Variants in MFNG observed in about 807,000 individuals in gnomAD.
The protein encoded by MFNG is beta-1,3-N-acetylglucosaminyltransferase manic fringe.
MFNG carries 24 observed loss-of-function variants against 34.2 expected under a neutral mutation model. That is an observed-to-expected ratio of 0.70 (90% CI 0.51 to 0.99). MFNG has a LOEUF of 0.99. Ranked by LOEUF, MFNG falls within the 50% of genes least tolerant of loss-of-function variation. The pLI, the probability that MFNG is intolerant of heterozygous loss-of-function variation, is 0.00. For synonymous variants in MFNG, 158 were observed against 179.2 expected, an observed-to-expected ratio of 0.88 and a Z score of 0.94; for missense variants, 383 against 424.0, an observed-to-expected ratio of 0.90 and a Z score of 0.85.
intron 1 of MFNG, 56 bp from the exon 2 acceptor site, chr22:37,480,825 C>A (rs1367024092): frequency 5.4e-6 from 8 of 1,492,692 alleles, no homozygotes; most frequent in Non-Finnish European, 7.4e-6. Context: ...CACCCCAGAC[C>A]AATCCACAGC....
chr22:37,470,829 T>C (rs908778632), intron 7 of MFNG, among the ~76,000 whole-genome samples: 1 of 152,066 alleles, frequency 6.6e-6, no homozygotes, highest in Admixed American at 6.5e-5. Flanking sequence ...CACCATTCCC[T>C]CCTCTTCTCC....
Position 37,485,566 on chromosome 22 carries a change from C to T in MFNG, c.255+357G>A, listed in dbSNP as rs1922507062. Among the ~76,000 whole-genome samples the T allele has an allele frequency of 6.6e-6, 1 of 152,214 alleles. No homozygotes were observed. The highest frequency in any genetic ancestry group is 1.5e-5 in the Non-Finnish European group (1 of 68,022). ...CAGCTGCCCAACACCCACCATTACC[C>T]CTGATGCCAGGCTGGGCCTGGGTGG... On this transcript the variant is annotated intron_variant, in intron 1 of 7. Coordinates refer to ENST00000356998, the MANE Select transcript of MFNG (RefSeq NM_002405.4). The surrounding 1 kb of genome is among the most constrained non-coding windows in gnomAD (Gnocchi z 5.3).
chr22:37,480,407 C>A (rs1922240806), intron 2 of MFNG, 108 bp from the exon 3 acceptor site: 1 of 853,594 alleles, frequency 1.2e-6, no homozygotes, highest in South Asian at 1.6e-5. Context: ...GAGCAGCCCA[C>A]CCACTCCCAT....
intron 1 of MFNG, among the ~76,000 whole-genome samples, chr22:37,481,923 G>A (rs115642388): frequency 6.6e-6 from 1 of 152,234 alleles, no homozygotes; most frequent in African/African-American, 2.4e-5. Flanking sequence ...CAGATCAGAA[G>A]AGTCCCCGCC....
chr22:37,479,830 C>G (rs1922210459), intron 3 of MFNG, among the ~76,000 whole-genome samples: 1 of 152,140 alleles, frequency 6.6e-6, no homozygotes, highest in South Asian at 2.1e-4. Context: ...ATGGTGAAAC[C>G]CCGTCTCTAC....
Position 37,472,473 on chromosome 22 carries a change from C to A in MFNG, c.869G>T (p.Gly290Val). 1 of 1,583,716 alleles carries A rather than the reference C, an allele frequency of 6.3e-7. No individual in the cohort carries two copies. Among genetic ancestry groups the A allele is most frequent in the Non-Finnish European group, 8.6e-7 (1 of 1,168,036 alleles). The change falls in exon 7 of 8, where the codon GGC becomes GTC. Residue 290 changes from glycine to valine, a missense_variant. Gly to Val is a moderately radical substitution (Grantham distance 109). Transcript: ENST00000356998. ...GGGGTCCTCCTCCGGGGAGAAGGGG[C>A]CCTGTAGCTTAATGACGTTGAGTTT... ...EGKLNVIKLQ[G>V]PFSPEEDPSR...
At chr22:37,470,903 A>G (rs1921775936) in intron 7 of MFNG, among the ~76,000 whole-genome samples, 1 of 152,116 alleles carries the variant, frequency 6.6e-6, no homozygotes, top group Non-Finnish European at 1.5e-5. Context: ...TCCTGCTATC[A>G]GGCCTTTGCA....
chr22:37,486,036 G>GC lies in MFNG; in HGVS notation c.141dup (p.Pro48AlafsTer3), dbSNP rs748276804. 1 of 1,614,040 alleles carries GC rather than the reference G, an allele frequency of 6.2e-7. No homozygotes were observed. Among genetic ancestry groups the GC allele is most frequent in the African/African-American group, 1.3e-5 (1 of 75,066 alleles). On this transcript the variant is annotated frameshift_variant, in exon 1 of 8. Coordinates refer to ENST00000356998, the MANE Select transcript of MFNG (RefSeq NM_002405.4). LOFTEE classifies it high-confidence loss of function. ...ACATCGTGTAGCTGTAGCTTAGGGGGCCCCGGGTTCGGCTGGCTCAGCTCG... is the reference window on the plus strand; with the variant it reads ...ACATCGTGTAGCTGTAGCTTAGGGGGCCCCCGGGTTCGGCTGGCTCAGCTCG...
Position 37,480,778 on chromosome 22 carries a change from G to A in MFNG, c.256-9C>T, listed in dbSNP as rs763033818. The A allele has an allele frequency of 4.3e-6, 7 of 1,612,964 alleles. No individual in the cohort carries two copies. Among genetic ancestry groups the A allele is most frequent in the Non-Finnish European group, 5.9e-6 (7 of 1,179,564 alleles). ...TCGGTGAAGACAAATGTCTAGGAAG[G>A]AGAAGAAGGGGTCAGGACTCACATC... On this transcript the variant is annotated splice_polypyrimidine_tract_variant and intron_variant, in intron 1 of 7. Transcript: ENST00000356998.
Position 37,480,514 on chromosome 22 carries a change from G to T in MFNG, c.304+207C>A, listed in dbSNP as rs2145735644. Among the ~76,000 whole-genome samples the T allele has an allele frequency of 2.0e-5, 3 of 152,278 alleles. No individual in the cohort carries two copies. The South Asian group carries it at 6.2e-4, about 32-fold the overall frequency. ...CTGGGCTGGGACTCAGGTGTCCAGG[G>T]CCTTGTCCAGCACCGCTCTTCCCCA... On this transcript the variant is annotated intron_variant, in intron 2 of 7. Transcript: ENST00000356998.
intron 6 of MFNG, among the ~76,000 whole-genome samples, chr22:37,473,718 G>A (rs903124211): frequency 6.6e-6 from 1 of 152,250 alleles, no homozygotes; most frequent in Non-Finnish European, 1.5e-5. Flanking sequence ...TCCTCCGATA[G>A]TGGGGGGAAA....
At chr22:37,475,601 C>A (rs574187818) in intron 5 of MFNG, among the ~76,000 whole-genome samples, 2 of 152,228 alleles carry the variant, frequency 1.3e-5, no homozygotes, top group East Asian at 3.9e-4. Context: ...CAACTGGCCG[C>A]GTATACCCCA....
intron 1 of MFNG, 121 bp from the exon 2 acceptor site, chr22:37,480,890 CCT>C: frequency 1.2e-6 from 1 of 818,148 alleles, no homozygotes; most frequent in Non-Finnish European, 2.0e-6. Flanking sequence ...CAGACACACC[CCT>C]CTCATGGTCA....
chr22:37,475,125 G>A (rs552201394), intron 5 of MFNG, among the ~76,000 whole-genome samples: 2 of 152,322 alleles, frequency 1.3e-5, no homozygotes, highest in Admixed American at 1.3e-4. Context: ...AAAGAGTGGT[G>A]CTAAGTCAGA....
chr22:37,478,620 A>G (rs536428095), intron 4 of MFNG, among the ~76,000 whole-genome samples: 1 of 150,976 alleles, frequency 6.6e-6, no homozygotes, highest in African/African-American at 2.4e-5. Context: ...GAAGGTGGGG[A>G]AGGGTTCTGG....
In MFNG at chr22:37,485,993, G is replaced by A. The variant is rs374078492; in HGVS notation, c.185C>T (p.Thr62Met). 3.7e-6 allele frequency: 6 copies of A among 1,614,026 alleles called. No individual in the cohort carries two copies. Among genetic ancestry groups the A allele is most frequent in the Middle Eastern group, 1.7e-4 (1 of 6,056 alleles). Residue 62 changes from threonine to methionine, a missense_variant, in exon 1 of 8, where the codon ACG becomes ATG. Transcript: ENST00000356998. This position sits in a 1 kb window ranked among gnomAD's most constrained non-coding sequence, Gnocchi z 5.3. ...QLHDVFIAVK[T>M]TRAFHRLRLE... ...GCGCAAGCGGTGGAAAGCCCGGGTC[G>A]TCTTCACTGCAATGAAGACATCGTG...
chr22:37,477,009 A>T, intron 4 of MFNG, 28 bp from the exon 5 acceptor site: 2 of 1,604,830 alleles, frequency 1.2e-6, no homozygotes, highest in Non-Finnish European at 1.7e-6. Flanking sequence ...CAAGGGGCAG[A>T]GTGAGCCTGG....
rs997373478 is a variant in MFNG at position 37,483,531 on chromosome 22, G to A, written c.255+2392C>T. ...TAAGCCTGAATAAAGCAGGAGAATAGGCACTTTGGGAGGCCAAGGCAGGTG... is the reference window on the plus strand; with the variant it reads ...TAAGCCTGAATAAAGCAGGAGAATAAGCACTTTGGGAGGCCAAGGCAGGTG... On this transcript the variant is annotated intron_variant, in intron 1 of 7. Coordinates refer to ENST00000356998, the MANE Select transcript of MFNG (RefSeq NM_002405.4). The surrounding 1 kb of genome is among the most constrained non-coding windows in gnomAD (Gnocchi z 4.5). Among the ~76,000 whole-genome samples, 6 of 151,312 alleles carry A rather than the reference G, an allele frequency of 4.0e-5. No homozygotes were observed. The highest frequency in any genetic ancestry group is 1.2e-4 in the African/African-American group (5 of 41,096).
rs941450320 is a variant in MFNG, at chr22:37,479,516, G to A, written c.408-18C>T. The stretch of plus-strand genomic sequence containing the variant: ...AGAACCACCTGTAGGGATGAAACGG[G>A]GACAGTGAACTTGTTGGGGGGGTTC... On this transcript the variant is annotated intron_variant, in intron 3 of 7. Coordinates refer to ENST00000356998, the MANE Select transcript of MFNG (RefSeq NM_002405.4). 5 of 1,608,390 alleles carry A rather than the reference G, an allele frequency of 3.1e-6. No homozygotes were observed. Among genetic ancestry groups the A allele is most frequent in the East Asian group, 2.3e-5 (1 of 44,278 alleles).
Sources: gnomAD v4.1 joint callset for allele counts (sites outside exome capture counted in the v4.1 genomes callset) on GRCh38, gnomAD v4.1.1 for gene constraint, Gnocchi (gnomAD v3.1) non-coding constraint, MANE v1.5 for transcripts, NCBI Gene and HGNC (gene_info 2026-07-23, HGNC 2026-07-21) for gene names.